Variants in PCDH15 observed in about 807,000 individuals in gnomAD.
The protein encoded by PCDH15 is protocadherin related 15.
Under a neutral mutation model 178.5 loss-of-function variants are expected in PCDH15, and 129 were observed. The ratio of observed to expected loss-of-function variants is 0.72; its 90% confidence interval spans 0.63 to 0.84. PCDH15 has a LOEUF of 0.84. Among genes scored for constraint, PCDH15 ranks in the 40% least tolerant of loss-of-function variants. PCDH15 has a pLI of 0.00. For synonymous variants in PCDH15, 800 were observed against 732.0 expected (o/e 1.09, Z -1.50); for missense variants, 2,230 against 2,099.9 (o/e 1.06, Z -1.21).
intron 9 of PCDH15, among the ~76,000 whole-genome samples, chr10:54,216,354 G>GC (rs1184395316): frequency 3.3e-5 from 5 of 152,110 alleles, no homozygotes; most frequent in Admixed American, 2.6e-4. Flanking sequence ...TACTCGGGAG[G>GC]CTGAGAAAGG....
chr10:54,260,684 G>A (rs544682739), intron 8 of PCDH15, among the ~76,000 whole-genome samples: 90 of 152,088 alleles, frequency 5.9e-4, no homozygotes, highest in African/African-American at 1.9e-3. Flanking sequence ...CGGTTCAAGC[G>A]ATTCTCCGGC....
intron 2 of PCDH15, among the ~76,000 whole-genome samples, chr10:54,610,170 G>A (rs2134230306): frequency 6.6e-6 from 1 of 151,864 alleles, no homozygotes; most frequent in African/African-American, 2.4e-5. Context: ...TTGTTTACTG[G>A]TGCAGATCTC....
chr10:55,362,546 G>A (rs1845255380), intron 2 of PCDH15, among the ~76,000 whole-genome samples: 1 of 152,052 alleles, frequency 6.6e-6, no homozygotes, highest in African/African-American at 2.4e-5. Context: ...TTCTCTTAAT[G>A]GTAATATCTT....
chr10:53,808,401 C>T, intron 37 of PCDH15: 1 of 1,090,378 alleles, frequency 9.2e-7, no homozygotes, highest in Non-Finnish European at 1.1e-6. Flanking sequence ...CATAATGCCA[C>T]ATTGCATTAA....
At chr10:54,890,433 T>G (rs1954440349) in intron 3 of PCDH15, among the ~76,000 whole-genome samples, 1 of 151,996 alleles carries the variant, frequency 6.6e-6, no homozygotes, top group South Asian at 2.1e-4. Flanking sequence ...TAAAATGTAA[T>G]AAAAAATATA....
At chr10:53,833,166 G>T (rs1201829163) in intron 29 of PCDH15, among the ~76,000 whole-genome samples, 1 of 151,962 alleles carries the variant, frequency 6.6e-6, no homozygotes, top group East Asian at 1.9e-4. Flanking sequence ...GAACAAGGAA[G>T]AATCAGATCC....
chr10:55,440,392 C>G (rs1370743582), intron 2 of PCDH15, among the ~76,000 whole-genome samples: 2 of 152,072 alleles, frequency 1.3e-5, no homozygotes, highest in African/African-American at 4.8e-5. Flanking sequence ...GAAAAGCCAA[C>G]TGATCAAATT....
At chr10:54,420,913 A>T (rs576182209) in intron 3 of PCDH15, among the ~76,000 whole-genome samples, 2 of 152,256 alleles carry the variant, frequency 1.3e-5, no homozygotes, top group South Asian at 4.1e-4. Flanking sequence ...TTCAGGAAAC[A>T]TGCCAGTACA....
chr10:55,413,300 G>C (rs1838389478), intron 2 of PCDH15, among the ~76,000 whole-genome samples: 1 of 151,058 alleles, frequency 6.6e-6, no homozygotes, highest in Non-Finnish European at 1.5e-5. Context: ...AAAAAAAAAG[G>C]GATAAAGATT....
chr10:55,616,705 A>G (rs1046548620), intron 2 of PCDH15, among the ~76,000 whole-genome samples: 1 of 152,108 alleles, frequency 6.6e-6, no homozygotes, highest in African/African-American at 2.4e-5. Flanking sequence ...CACTGAGGTG[A>G]CTTGAGAAGT....
At chr10:54,943,055 T>C (rs1209534068) in intron 2 of PCDH15, among the ~76,000 whole-genome samples, 1 of 152,058 alleles carries the variant, frequency 6.6e-6, no homozygotes, top group Non-Finnish European at 1.5e-5. Context: ...AGTATCTTAT[T>C]GCTGGTGTAA....
chr10:55,095,514 C>A (rs367758705), intron 2 of PCDH15, among the ~76,000 whole-genome samples: 1 of 151,978 alleles, frequency 6.6e-6, no homozygotes, highest in African/African-American at 2.4e-5. Flanking sequence ...AAATCTTCCA[C>A]GCTCTTGTCC....
At chr10:55,027,437 G>A (rs1840502077) in intron 2 of PCDH15, among the ~76,000 whole-genome samples, 1 of 151,710 alleles carries the variant, frequency 6.6e-6, no homozygotes. Flanking sequence ...ATGAGGGGGT[G>A]GGGAGTTCCT....
chr10:54,097,073 C>T (rs1190885254), intron 15 of PCDH15, among the ~76,000 whole-genome samples: 1 of 152,148 alleles, frequency 6.6e-6, no homozygotes, highest in Non-Finnish European at 1.5e-5. Flanking sequence ...AAAGATCACT[C>T]CAGGCCTAGA....
chr10:54,802,763 A>G (rs1591709224), upstream of PCDH15, among the ~76,000 whole-genome samples: 1 of 152,198 alleles, frequency 6.6e-6, no homozygotes, highest in African/African-American at 2.4e-5. Flanking sequence ...TTCAGTAACC[A>G]TAAGAATTAT....
intron 7 of PCDH15, among the ~76,000 whole-genome samples, chr10:54,324,048 A>C (rs758115934): frequency 4.6e-5 from 7 of 152,112 alleles, no homozygotes; most frequent in Non-Finnish European, 7.4e-5. Context: ...ATCACCTGCT[A>C]TCCTCCCATT....
chr10:54,740,503 A>G (rs2132795720), intron 1 of PCDH15, among the ~76,000 whole-genome samples: 1 of 152,058 alleles, frequency 6.6e-6, no homozygotes, highest in Admixed American at 6.6e-5. Context: ...TTAGCATATG[A>G]TCCAGCAATT....
chr10:54,766,655 C>G (rs1486811341), intron 1 of PCDH15, among the ~76,000 whole-genome samples: 1 of 152,022 alleles, frequency 6.6e-6, no homozygotes, highest in African/African-American at 2.4e-5. Flanking sequence ...TAGGGCCAGG[C>G]GTGGTGGCTC....
At chr10:54,166,340 C>T (rs1353793854) in intron 13 of PCDH15, among the ~76,000 whole-genome samples, 2 of 152,150 alleles carry the variant, frequency 1.3e-5, no homozygotes, top group Middle Eastern at 3.2e-3. Flanking sequence ...TAGTCAACTC[C>T]TTGAGGATTA....
Sources: gnomAD v4.1 joint callset for allele counts (sites outside exome capture counted in the v4.1 genomes callset) on GRCh38, gnomAD v4.1.1 for gene constraint, MANE v1.5 for transcripts, NCBI Gene and HGNC (gene_info 2026-07-23, HGNC 2026-07-21) for gene names.